NPAS3: variants seen among roughly 807,000 people sequenced by gnomAD.
The protein encoded by NPAS3 is neuronal PAS domain protein 3, also known as neuronal PAS domain-containing protein 3.
A neutral mutation model predicts 73.1 loss-of-function variants in NPAS3; 14 were observed. The observed-to-expected ratio is 0.19, with a 90% confidence interval of 0.13 to 0.30. The LOEUF is 0.30. Among genes scored for constraint, NPAS3 ranks in the 10% least tolerant of loss-of-function variants. The probability of loss-of-function intolerance (pLI) is 1.00; values close to 1 mark genes in which losing one functional copy is unlikely to be tolerated. For synonymous variants in NPAS3, 620 were observed against 541.5 expected (o/e 1.14, Z -2.01); for missense variants, 1,096 against 1,250.0 (o/e 0.88, Z 1.86).
intron 5 of NPAS3, among the ~76,000 whole-genome samples, chr14:33,595,413 C>T (rs1035193443): frequency 5.3e-5 from 8 of 151,826 alleles, no homozygotes; most frequent in Non-Finnish European, 1.2e-4. Context: ...CTGGAGAAAT[C>T]GGCTGTAATT....
chr14:33,413,038 C>T (rs1313987637), intron 4 of NPAS3, among the ~76,000 whole-genome samples: 3 of 152,046 alleles, frequency 2.0e-5, no homozygotes, highest in Non-Finnish European at 4.4e-5. Flanking sequence ...AAAGGCAGTT[C>T]GTACAACAGG....
chr14:33,691,232 G>T (rs2060228852), intron 6 of NPAS3, among the ~76,000 whole-genome samples: 1 of 152,198 alleles, frequency 6.6e-6, no homozygotes, highest in Admixed American at 6.5e-5. Context: ...TGGTATTTGG[G>T]CCTTTGCTGA....
intron 5 of NPAS3, among the ~76,000 whole-genome samples, chr14:33,563,445 T>C (rs909931535): frequency 6.6e-6 from 1 of 151,714 alleles, no homozygotes; most frequent in African/African-American, 2.4e-5. Flanking sequence ...GTTGTAATTA[T>C]GGGAATGAGT....
intron 5 of NPAS3, among the ~76,000 whole-genome samples, chr14:33,622,578 T>C (rs554885773): frequency 2.6e-5 from 4 of 152,326 alleles, no homozygotes; most frequent in South Asian, 4.1e-4. Flanking sequence ...ATAAATGATA[T>C]GAATGTTGTA....
At chr14:33,358,409 C>T (rs535886697) in intron 3 of NPAS3, among the ~76,000 whole-genome samples, 3 of 152,158 alleles carry the variant, frequency 2.0e-5, no homozygotes, top group South Asian at 2.1e-4. Flanking sequence ...CCATCGTTGT[C>T]GCGGGCAGGA....
chr14:33,485,644 G>A (rs2051548690), intron 4 of NPAS3, among the ~76,000 whole-genome samples: 1 of 152,104 alleles, frequency 6.6e-6, no homozygotes, highest in Non-Finnish European at 1.5e-5. Context: ...TATTTTAAAA[G>A]ACAGTACTCT....
Position 33,800,486 on chromosome 14 carries a change from C to A in NPAS3, c.2179C>A (p.Arg727Ser). ...GCCCGGCGCCGACGGCGCGGCCGCCCGCAAGACTCAGTTCGGCGCCTCGGC... is the reference window on the plus strand; with the variant it reads ...GCCCGGCGCCGACGGCGCGGCCGCCAGCAAGACTCAGTTCGGCGCCTCGGC... The change falls in exon 12 of 12, where the codon CGC becomes AGC. Residue 727 changes from arginine (R) to serine (S), a missense_variant. Physicochemically the swap from Arg to Ser is moderately radical, Grantham distance 110. Around this residue, in one of 5 missense-constraint regions of NPAS3, gnomAD observed 698 missense variants for 676.7 expected, o/e 1.03. Coordinates refer to ENST00000356141, the Ensembl canonical transcript of NPAS3. This position sits in a 1 kb window ranked among gnomAD's most constrained non-coding sequence, Gnocchi z 6.5. 6.8e-7 allele frequency: 1 copy of A among 1,478,262 alleles called. No homozygotes were observed. The highest frequency in any genetic ancestry group is 1.3e-5 in the South Asian group (1 of 75,458). 91.6% of individuals were successfully genotyped at this position (1,478,262 alleles called of 1,614,324 possible).
rs1021864772 is a variant in NPAS3 at position 33,202,134 on chromosome 14, G to T, written c.141-13048G>T. Among the ~76,000 whole-genome samples the T allele has an allele frequency of 2.6e-5, 4 of 152,106 alleles. No homozygotes were observed. The East Asian group carries it at 7.7e-4, about 29-fold the overall frequency. On this transcript the variant is annotated intron_variant, in intron 2 of 11. Transcript: ENST00000356141. ...AAATGTTACTGGGCCTAGTGTGTTG[G>T]CGCACACCTGTAATCCCAGCACTCT...
chr14:33,101,222 C>T (rs933164989), intron 2 of NPAS3, among the ~76,000 whole-genome samples: 11 of 152,138 alleles, frequency 7.2e-5, no homozygotes, highest in African/African-American at 2.4e-4. Context: ...AAACCTTTTC[C>T]AGTCTCTTCC....
intron 5 of NPAS3, among the ~76,000 whole-genome samples, chr14:33,654,766 C>A (rs1049228983): frequency 3.3e-5 from 5 of 152,138 alleles, no homozygotes; most frequent in African/African-American, 1.2e-4. Context: ...AGGTGAGCTG[C>A]AGTTTGACCC....
chr14:33,766,278 A>G (rs1004304264), intron 7 of NPAS3, among the ~76,000 whole-genome samples: 1 of 152,170 alleles, frequency 6.6e-6, no homozygotes, highest in Admixed American at 6.5e-5. Context: ...TTCCTTATGT[A>G]TAACTTCAGA....
intron 2 of NPAS3, among the ~76,000 whole-genome samples, chr14:33,156,379 G>C (rs1198580662): frequency 2.6e-5 from 4 of 152,126 alleles, no homozygotes; most frequent in Admixed American, 6.5e-5. Flanking sequence ...ATTTCATTAA[G>C]TTTGCTAAAG....
intron 5 of NPAS3, among the ~76,000 whole-genome samples, chr14:33,674,095 G>A (rs1424498827): frequency 6.6e-6 from 1 of 152,156 alleles, no homozygotes; most frequent in African/African-American, 2.4e-5. Context: ...TGCCCTAGAT[G>A]TGCCATACTC....
chr14:33,468,957 G>T (rs566085505), intron 4 of NPAS3, among the ~76,000 whole-genome samples: 1 of 152,096 alleles, frequency 6.6e-6, no homozygotes, highest in Non-Finnish European at 1.5e-5. Context: ...ATCTACAGGG[G>T]TGTTACCTAG....
At chr14:33,031,657 T>C (rs1411481611) in intron 1 of NPAS3, among the ~76,000 whole-genome samples, 3 of 152,202 alleles carry the variant, frequency 2.0e-5, no homozygotes, top group African/African-American at 7.2e-5. Flanking sequence ...ACCTGGCTAA[T>C]TTTTTATTTT....
intron 6 of NPAS3, among the ~76,000 whole-genome samples, chr14:33,690,171 C>A (rs17101719): frequency 3.9e-5 from 6 of 152,040 alleles, no homozygotes; most frequent in Admixed American, 3.3e-4. Flanking sequence ...AGCTTTCGTG[C>A]GGCGTTCCGG....
At chr14:33,206,170 T>G (rs145209506) in intron 2 of NPAS3, among the ~76,000 whole-genome samples, 1 of 152,294 alleles carries the variant, frequency 6.6e-6, no homozygotes, top group African/African-American at 2.4e-5. Flanking sequence ...ATAATTATAA[T>G]AGAGAAAAGG....
chr14:32,968,182 G>A (rs2037265056), intron 1 of NPAS3, among the ~76,000 whole-genome samples: 1 of 152,108 alleles, frequency 6.6e-6, no homozygotes, highest in African/African-American at 2.4e-5. Context: ...GATGACTACA[G>A]TCAATAATAA....
At chr14:33,722,665 T>C (rs976999255) in intron 6 of NPAS3, among the ~76,000 whole-genome samples, 249 of 152,190 alleles carry the variant, frequency 1.6e-3, no homozygotes, top group East Asian at 7.7e-4. Context: ...AAAGGAAAAT[T>C]AGCTTAATTA....
Sources: allele counts gnomAD v4.1 joint callset (sites outside exome capture counted in the v4.1 genomes callset), GRCh38; gene constraint gnomAD v4.1.1; regional missense constraint gnomAD v4.1.1; non-coding constraint Gnocchi (gnomAD v3.1); transcripts MANE v1.5; gene names NCBI Gene and HGNC (gene_info 2026-07-23, HGNC 2026-07-21).